FGF14: variants seen among roughly 807,000 people sequenced by gnomAD.
FGF14 encodes fibroblast growth factor 14.
Under a neutral mutation model 25.5 loss-of-function variants are expected in FGF14, and 5 were observed. The ratio of observed to expected loss-of-function variants is 0.20; its 90% CI spans 0.10 to 0.41. The LOEUF (loss-of-function observed/expected upper bound fraction) is 0.41. Among genes scored for constraint, FGF14 ranks in the 10% least tolerant of loss-of-function variants. The pLI, the probability that FGF14 is intolerant of heterozygous loss-of-function variation, is 1.00. For missense variants in FGF14, 222 were observed against 320.1 expected (o/e 0.69, Z 2.34); for synonymous variants, 138 against 118.3 (o/e 1.17, Z -1.08).
intron 4 of FGF14, 30 bp from the exon 5 acceptor site, chr13:101,722,997 G>A (rs756623353): frequency 1.2e-6 from 2 of 1,612,828 alleles, no homozygotes; most frequent in South Asian, 2.2e-5. Flanking sequence ...AGGAGGAAAA[G>A]CAAACATTGC....
chr13:101,808,051 A>T (rs1388400640), intron 3 of FGF14, among the ~76,000 whole-genome samples: 1 of 152,076 alleles, frequency 6.6e-6, no homozygotes, highest in Non-Finnish European at 1.5e-5. Flanking sequence ...CAAGAAATAT[A>T]CTATATATTG....
At chr13:102,309,733 A>C (rs543913862) in intron 1 of FGF14, among the ~76,000 whole-genome samples, 1 of 152,308 alleles carries the variant, frequency 6.6e-6, no homozygotes, top group African/African-American at 2.4e-5. Flanking sequence ...TTATCCATCA[A>C]AGGGATTATA....
chr13:102,205,829 T>C (rs1200796112), intron 1 of FGF14, among the ~76,000 whole-genome samples: 1 of 146,644 alleles, frequency 6.8e-6, no homozygotes, highest in South Asian at 2.2e-4. Flanking sequence ...CTATGCAAAA[T>C]GGGAAGTGGA....
chr13:101,850,555 T>TTC (rs2043784309), intron 3 of FGF14, among the ~76,000 whole-genome samples: 13 of 91,984 alleles, frequency 1.4e-4, no homozygotes, highest in African/African-American at 5.5e-4. Flanking sequence ...ATATATAGAA[T>TTC]TATATATTCT....
chr13:101,980,969 T>A (rs535019894), intron 1 of FGF14, among the ~76,000 whole-genome samples: 1 of 152,034 alleles, frequency 6.6e-6, no homozygotes, highest in East Asian at 1.9e-4. Flanking sequence ...GGGCTGGGTG[T>A]GGTGGCTCAA....
chr13:101,739,505 T>C (rs1392992607), intron 3 of FGF14, among the ~76,000 whole-genome samples: 4 of 152,166 alleles, frequency 2.6e-5, no homozygotes, highest in Non-Finnish European at 5.9e-5. Flanking sequence ...AGGAAAAGCA[T>C]TGAATTCTGA....
chr13:102,041,166 A>G (rs578116385), intron 1 of FGF14, among the ~76,000 whole-genome samples: 2 of 152,128 alleles, frequency 1.3e-5, no homozygotes, highest in Non-Finnish European at 2.9e-5. Context: ...TTCTCTTCAC[A>G]CATATTTTTT....
chr13:102,279,239 T>C (rs1291135104), intron 1 of FGF14, among the ~76,000 whole-genome samples: 1 of 149,064 alleles, frequency 6.7e-6, no homozygotes, highest in Non-Finnish European at 1.5e-5. Context: ...GTTTATACAA[T>C]GTTTTCATTC....
intron 1 of FGF14, among the ~76,000 whole-genome samples, chr13:102,057,935 T>G (rs796334069): frequency 4.6e-5 from 7 of 152,332 alleles, no homozygotes; most frequent in African/African-American, 1.7e-4. Context: ...GTTGTTAATT[T>G]GTGGAAGCCT....
At chr13:101,811,514 A>G (rs1438222946) in intron 3 of FGF14, among the ~76,000 whole-genome samples, 2 of 152,196 alleles carry the variant, frequency 1.3e-5, no homozygotes, top group Admixed American at 1.3e-4. Flanking sequence ...TGCTCATACT[A>G]AAGTGCATGT....
intron 1 of FGF14, among the ~76,000 whole-genome samples, chr13:102,215,540 G>T (rs148895911): frequency 6.6e-6 from 1 of 152,116 alleles, no homozygotes; most frequent in Non-Finnish European, 1.5e-5. Context: ...ATTATCTCTA[G>T]TTCCTATGCC....
At chr13:102,316,234 C>A (rs1848918337) in intron 1 of FGF14, among the ~76,000 whole-genome samples, 1 of 152,164 alleles carries the variant, frequency 6.6e-6, no homozygotes, top group Non-Finnish European at 1.5e-5. Context: ...AGTACTCAAC[C>A]AAGTTTTCAT....
intron 1 of FGF14, among the ~76,000 whole-genome samples, chr13:101,947,567 A>C (rs942188247): frequency 1.3e-5 from 2 of 152,188 alleles, no homozygotes; most frequent in African/African-American, 4.8e-5. Context: ...CCATTATTCT[A>C]AGTGAATTAA....
chr13:102,058,827 A>G (rs2042550116), intron 1 of FGF14, among the ~76,000 whole-genome samples: 1 of 152,126 alleles, frequency 6.6e-6, no homozygotes, highest in South Asian at 2.1e-4. Flanking sequence ...TCCAAATCCA[A>G]TGTGGTATCA....
intron 1 of FGF14, among the ~76,000 whole-genome samples, chr13:102,343,442 T>C (rs1307183497): frequency 6.6e-6 from 1 of 152,176 alleles, no homozygotes; most frequent in Non-Finnish European, 1.5e-5. Flanking sequence ...CATGGATTTC[T>C]AGGGCAGTTG....
chr13:101,829,319 G>T (rs1306053565), intron 3 of FGF14, among the ~76,000 whole-genome samples: 1 of 152,038 alleles, frequency 6.6e-6, no homozygotes, highest in Non-Finnish European at 1.5e-5. Flanking sequence ...GTTCTGTGCA[G>T]TATCATAATG....
chr13:102,364,726 C>T (rs2057660515), intron 1 of FGF14, among the ~76,000 whole-genome samples: 1 of 152,176 alleles, frequency 6.6e-6, no homozygotes. Context: ...TCACTGGAAC[C>T]ATCCACAGCA....
chr13:102,400,915 C>T lies in FGF14; in HGVS notation c.208+556G>A, dbSNP rs1292185536. 3.3e-5 allele frequency among the ~76,000 whole-genome samples: 5 copies of T among 151,718 alleles called. No homozygotes were observed. Among genetic ancestry groups the T allele is most frequent in the Non-Finnish European group, 1.5e-5 (1 of 67,950 alleles). ...CAGACAGGGGGAATGAGTTAATGCTCGGGCACCCGGAGCTGGACGGGGGAG... is the reference window on the plus strand; with the variant it reads ...CAGACAGGGGGAATGAGTTAATGCTTGGGCACCCGGAGCTGGACGGGGGAG... On this transcript the variant is annotated intron_variant, in intron 1 of 4. Transcript: ENST00000376131. The surrounding 1 kb of genome is among the most constrained non-coding windows in gnomAD (Gnocchi z 4.3).
At chr13:101,861,603 T>C (rs1407573) in intron 3 of FGF14, among the ~76,000 whole-genome samples, 5,976 of 152,114 alleles carry the variant, frequency 0.039, 419 homozygotes, top group African/African-American at 0.14. Flanking sequence ...AAAGGGAGCC[T>C]GTGTGTGTTG....
Sources: allele counts gnomAD v4.1 joint callset (sites outside exome capture counted in the v4.1 genomes callset), GRCh38; gene constraint gnomAD v4.1.1; non-coding constraint Gnocchi (gnomAD v3.1); transcripts MANE v1.5; gene names NCBI Gene and HGNC (gene_info 2026-07-23, HGNC 2026-07-21).